GRIN1: variants seen among roughly 807,000 people sequenced by gnomAD.
GRIN1 encodes the protein glutamate receptor ionotropic, NMDA 1.
GRIN1 carries 38 observed loss-of-function variants against 103.0 expected under a neutral mutation model. The ratio of observed to expected loss-of-function variants is 0.37; its 90% CI spans 0.28 to 0.48. The LOEUF (loss-of-function observed/expected upper bound fraction) is 0.48. Among genes scored for constraint, GRIN1 ranks in the 20% least tolerant of loss-of-function variants. The probability of loss-of-function intolerance (pLI) is 0.98; values close to 1 mark genes in which losing one functional copy is unlikely to be tolerated. For synonymous variants in GRIN1, 544 were observed against 532.7 expected (o/e 1.02, Z -0.29); for missense variants, 577 against 1,288.9 (o/e 0.45, Z 8.46).
At chr9:137,157,693 G>C (rs1833310878) in intron 6 of GRIN1, among the ~76,000 whole-genome samples, 1 of 152,184 alleles carries the variant, frequency 6.6e-6, no homozygotes, top group Non-Finnish European at 1.5e-5. Context: ...AGCACGCCTG[G>C]ACACCATGCC....
intron 4 of GRIN1, among the ~76,000 whole-genome samples, chr9:137,154,432 CTTTTTTTTTTTTTTTTTTTTTTTTTT>C (rs543160973): frequency 1.2e-3 from 53 of 43,012 alleles, no homozygotes; most frequent in Middle Eastern, 0.02. Context: ...GCTCCAACAA[CTTTTTTTTTTTTTTTTTTTTTTTTTT>C]TTTTTTTTTT....
Position 137,162,100 on chromosome 9 carries a change from C to G in GRIN1, c.1632+12C>G. The G allele has an allele frequency of 1.0e-6, 1 of 970,632 alleles. No homozygotes were observed. The highest frequency in any genetic ancestry group is 1.5e-6 in the Non-Finnish European group (1 of 682,156). 60.1% of individuals were successfully genotyped at this position (970,632 alleles called of 1,614,324 possible). On this transcript the variant is annotated intron_variant, in intron 11 of 19. Coordinates refer to ENST00000371561, the MANE Select transcript of GRIN1 (RefSeq NM_007327.4). Reference sequence around the variant, plus strand: ...TTCTGGTCAAGAAGGTGGGCAGGGGCCGGGTGGCGGGGTGGCGGCGGGGGG... The same window carrying G: ...TTCTGGTCAAGAAGGTGGGCAGGGGGCGGGTGGCGGGGTGGCGGCGGGGGG...
Position 137,139,670 on chromosome 9 carries a change from G to A in GRIN1, c.184G>A (p.Ala62Thr). The change falls in exon 1 of 20, where the codon GCC (alanine) becomes ACC (threonine). Residue 62 changes from alanine (A) to threonine (T), a missense_variant. Ala to Thr is a moderately conservative substitution (Grantham distance 58, BLOSUM62 0). Transcript: ENST00000371561. This position sits in a 1 kb window ranked among gnomAD's most constrained non-coding sequence, Gnocchi z 7.7. ...CGGCTCCTGGAAGATTCAGCTCAAT[G>A]CCACCTCCGTCACGCACAAGCCCAA... Reference protein sequence around the residue: ...RHGSWKIQLNATSVTHKPNAI... With the variant: ...RHGSWKIQLNTTSVTHKPNAI... The A allele has an allele frequency of 6.2e-7, 1 of 1,613,878 alleles. No individual in the cohort carries two copies. The highest frequency in any genetic ancestry group is 8.5e-7 in the Non-Finnish European group (1 of 1,179,922).
intron 6 of GRIN1, among the ~76,000 whole-genome samples, chr9:137,158,088 C>T (rs565063411): frequency 1.3e-5 from 2 of 152,362 alleles, no homozygotes; most frequent in South Asian, 2.1e-4. Context: ...CTGAGGACAA[C>T]GTCCTAACCC....
chr9:137,148,972 C>T (rs200307663), intron 3 of GRIN1, 37 bp from the exon 4 acceptor site: 7 of 1,458,390 alleles, frequency 4.8e-6, no homozygotes, highest in Non-Finnish European at 6.7e-6. Context: ...ATGTCCCCTG[C>T]CCCAGCCGCC....
chr9:137,163,325 C>T lies in GRIN1; in HGVS notation c.2328C>T (p.Ile776=), dbSNP rs200088954. 104 of 1,613,428 alleles carry T rather than the reference C, an allele frequency of 6.4e-5. No individual in the cohort carries two copies. Among genetic ancestry groups the T allele is most frequent in the Admixed American group, 3.3e-5 (2 of 60,014 alleles). The change falls in exon 16 of 20, where the codon ATC becomes ATT. Residue 776 remains isoleucine (I), a synonymous_variant. Coordinates refer to ENST00000371561, the MANE Select transcript of GRIN1 (RefSeq NM_007327.4). ...GGAAGCAGAACGTCTCCCTGTCCATCCTCAAGTGAGTGTCCGTGCGCCCGC... is the reference window on the plus strand; with the variant it reads ...GGAAGCAGAACGTCTCCCTGTCCATTCTCAAGTGAGTGTCCGTGCGCCCGC... ...SPWKQNVSLS[I]LKSHENGFME...
chr9:137,162,599 A>T lies in GRIN1; in HGVS notation c.1873A>T (p.Arg625Ter), dbSNP rs1238640197. 6.2e-7 allele frequency: 1 copy of T among 1,612,116 alleles called. No homozygotes were observed. Among genetic ancestry groups the T allele is most frequent in the East Asian group, 2.2e-5 (1 of 44,862 alleles). ...LNSGIGEGAP[R>*]SFSARILGMV... ...CCCCCGCCCGCCCACAGGCGCCCCC[A>T]GAAGCTTCTCAGCGCGCATCCTGGG... The change falls in exon 14 of 20, where the codon AGA becomes TGA. Residue 625 changes from arginine to a stop codon, truncating the protein, a stop_gained. Transcript: ENST00000371561. LOFTEE classifies it high-confidence loss of function.
intron 11 of GRIN1, 27 bp downstream of exon 11, chr9:137,162,115 G>T: frequency 2.0e-6 from 3 of 1,525,034 alleles, no homozygotes; most frequent in Non-Finnish European, 2.7e-6. Context: ...TGGCGGGGTG[G>T]CGGCGGGGGG....
At chr9:137,153,833 TAG>T (rs770737525) in intron 4 of GRIN1, among the ~76,000 whole-genome samples, 21 of 152,304 alleles carry the variant, frequency 1.4e-4, no homozygotes, top group Non-Finnish European at 2.6e-4. Context: ...TTTGGGGAGA[TAG>T]AGTCTTGCTC....
At chr9:137,141,866 G>A (rs1832182117) in intron 1 of GRIN1, 147 bp from the exon 2 acceptor site, 1 of 861,458 alleles carries the variant, frequency 1.2e-6, no homozygotes, top group Non-Finnish European at 2.0e-6. Context: ...TGTGCATCTG[G>A]GCCTGGGCAT....
At chr9:137,143,347 G>GT (rs1242479500) in intron 2 of GRIN1, among the ~76,000 whole-genome samples, 1 of 152,244 alleles carries the variant, frequency 6.6e-6, no homozygotes, top group Non-Finnish European at 1.5e-5. Flanking sequence ...AAGCCCTGGC[G>GT]TGCCCCCTCG....
At chr9:137,165,435 C>G in intron 19 of GRIN1, 139 bp downstream of exon 19, 1 of 697,132 alleles carries the variant, frequency 1.4e-6, no homozygotes, top group South Asian at 1.5e-5. Flanking sequence ...GGCCGCTCTG[C>G]CCAGCCCGCC....
intron 19 of GRIN1, 190 bp downstream of exon 19, chr9:137,165,486 C>T: frequency 3.2e-6 from 2 of 627,518 alleles, no homozygotes; most frequent in Admixed American, 4.5e-5. Context: ...TCTCCCCGGC[C>T]CTCCTGGGTC....
chr9:137,144,609 T>A (rs563355336), intron 2 of GRIN1, among the ~76,000 whole-genome samples: 2 of 143,784 alleles, frequency 1.4e-5, no homozygotes, highest in East Asian at 2.1e-4. Flanking sequence ...GAGCCGAGAT[T>A]GCACTCCAGC....
Position 137,162,947 on chromosome 9 carries a change from T to C in GRIN1, c.2115T>C (p.His705=), listed in dbSNP as rs201815079. ...RQVELSTMYR[H]MEKHNYESAA... ...TGGAGCTGAGCACCATGTACCGGCA[T>C]ATGGAGAAGCACAACTACGAGAGTG... is the stretch of plus-strand genomic sequence containing the variant. The change falls in exon 15 of 20, where the codon CAT becomes CAC. Residue 705 remains histidine (H), a synonymous_variant. Transcript: ENST00000371561. 7.5e-6 allele frequency: 12 copies of C among 1,609,228 alleles called. No individual in the cohort carries two copies. Among genetic ancestry groups the C allele is most frequent in the Non-Finnish European group, 9.3e-6 (11 of 1,178,600 alleles).
intron 2 of GRIN1, among the ~76,000 whole-genome samples, chr9:137,142,395 C>T (rs987911618): frequency 6.6e-6 from 1 of 152,194 alleles, no homozygotes; most frequent in African/African-American, 2.4e-5. Context: ...AGAGGGCTCA[C>T]GTGGAGCCCA....
chr9:137,146,700 T>TGCTCAGCACCTGGGC lies in GRIN1; in HGVS notation c.570+799_570+813dup. ...GGCTACAGACCCCCGGAGCCCTGGGTGCTCAGCACCTGGGCCAGCTCCTGA... is the reference window on the plus strand; with the variant it reads ...GGCTACAGACCCCCGGAGCCCTGGGTGCTCAGCACCTGGGCGCTCAGCACCTGGGCCAGCTCCTGA... On this transcript the variant is annotated intron_variant, in intron 3 of 19. Coordinates refer to ENST00000371561, the MANE Select transcript of GRIN1 (RefSeq NM_007327.4). The surrounding 1 kb of genome is among the most constrained non-coding windows in gnomAD (Gnocchi z 6.7). Among the ~76,000 whole-genome samples, 1 of 152,066 alleles carries TGCTCAGCACCTGGGC rather than the reference T, an allele frequency of 6.6e-6. No individual in the cohort carries two copies. The highest frequency in any genetic ancestry group is 2.1e-4 in the South Asian group (1 of 4,816).
chr9:137,155,928 G>A (rs1037523528), intron 4 of GRIN1, among the ~76,000 whole-genome samples: 1 of 152,194 alleles, frequency 6.6e-6, no homozygotes, highest in Non-Finnish European at 1.5e-5. Flanking sequence ...GGGGAAAGCC[G>A]CCTCTCATCT....
At chr9:137,142,239 G>A (rs1832218404) in intron 2 of GRIN1, 92 bp downstream of exon 2, 3 of 1,300,176 alleles carry the variant, frequency 2.3e-6, no homozygotes, top group Non-Finnish European at 3.3e-6. Flanking sequence ...CGCTCACATG[G>A]AACTCACACA....
Sources: allele counts gnomAD v4.1 joint callset (sites outside exome capture counted in the v4.1 genomes callset), GRCh38; gene constraint gnomAD v4.1.1; non-coding constraint Gnocchi (gnomAD v3.1); transcripts MANE v1.5; gene names NCBI Gene and HGNC (gene_info 2026-07-23, HGNC 2026-07-21).